The following AK7 variants were observed in gnomAD, a reference collection of about 807,000 sequenced individuals.
The protein encoded by AK7 is adenylate kinase 7.
In AK7, 78 loss-of-function variants were observed where a neutral mutation model predicts 96.6. The observed-to-expected ratio is 0.81, with a 90% CI of 0.67 to 0.97. The LOEUF is 0.97. Ranked by LOEUF, AK7 falls within the 50% of genes least tolerant of loss-of-function variation. AK7 has a pLI of 0.00. For missense variants in AK7, 855 were observed against 887.9 expected (o/e 0.96, Z 0.47); for synonymous variants, 302 against 317.2 (o/e 0.95, Z 0.51).
chr14:96,415,404 A>T (rs971550200), intron 4 of AK7, among the ~76,000 whole-genome samples: 2 of 152,186 alleles, frequency 1.3e-5, no homozygotes, highest in African/African-American at 4.8e-5. Flanking sequence ...TTCCATGTAT[A>T]TTTGAACATC....
At chr14:96,456,261 AGCACTCCCCTG>A in intron 10 of AK7, 75 bp from the exon 11 acceptor site, 1 of 783,252 alleles carries the variant, frequency 1.3e-6, no homozygotes, top group Non-Finnish European at 1.7e-6. Flanking sequence ...AAAAAAAAAA[AGCACTCCCCTG>A]AAATAAAAAA....
chr14:96,479,291 A>G (rs1895379513), intron 15 of AK7, among the ~76,000 whole-genome samples: 1 of 151,516 alleles, frequency 6.6e-6, no homozygotes, highest in Non-Finnish European at 1.5e-5. Context: ...GTTAGCCAGG[A>G]TGGTCTCGAT....
chr14:96,405,111 C>A (rs148544866), intron 3 of AK7: 6 of 210,532 alleles, frequency 2.8e-5, no homozygotes, highest in Non-Finnish European at 5.7e-5. Context: ...TTTGGGAGGC[C>A]GAGGTGGGAG....
At chr14:96,448,767 C>G (rs1893397967) in intron 8 of AK7, among the ~76,000 whole-genome samples, 1 of 151,702 alleles carries the variant, frequency 6.6e-6, no homozygotes, top group African/African-American at 2.4e-5. Flanking sequence ...ACCAGCCTAG[C>G]CATCATGGTG....
intron 4 of AK7, among the ~76,000 whole-genome samples, chr14:96,416,089 A>C (rs879625374): frequency 3.3e-5 from 5 of 152,140 alleles, no homozygotes; most frequent in Admixed American, 2.6e-4. Context: ...TCACCAATTA[A>C]AAAGAGAATC....
rs762510189 is a variant in AK7 at position 96,482,989 on chromosome 14, G to GTA, written c.1754-8_1754-7dup. 2 of 1,613,570 alleles carry GTA rather than the reference G, an allele frequency of 1.2e-6. No individual in the cohort carries two copies. The highest frequency in any genetic ancestry group is 2.2e-5 in the South Asian group (2 of 91,058). ...TAAGTATGTGTTGATCTCTCTCCTGGTATTTAAAGATGTAGGAAAACTTGA... is the reference window on the plus strand; with the variant it reads ...TAAGTATGTGTTGATCTCTCTCCTGGTATATTTAAAGATGTAGGAAAACTTGA... On this transcript the variant is annotated splice_polypyrimidine_tract_variant and intron_variant, in intron 15 of 17. Coordinates refer to ENST00000267584, the MANE Select transcript of AK7 (RefSeq NM_152327.5).
intron 12 of AK7, 123 bp from the exon 13 acceptor site, chr14:96,471,355 G>T: frequency 1.7e-5 from 5 of 286,220 alleles, no homozygotes; most frequent in Non-Finnish European, 2.3e-5. Flanking sequence ...AAAAAAAAAA[G>T]CAAAATAGGG....
At chr14:96,440,403 G>A (rs73349296) in intron 6 of AK7, among the ~76,000 whole-genome samples, 54 of 152,078 alleles carry the variant, frequency 3.6e-4, no homozygotes, top group African/African-American at 1.1e-3. Flanking sequence ...CGCAGGCCTC[G>A]GCCCTAGACC....
chr14:96,400,399 T>C (rs1890341704), intron 2 of AK7, among the ~76,000 whole-genome samples: 1 of 152,212 alleles, frequency 6.6e-6, no homozygotes, highest in South Asian at 2.1e-4. Flanking sequence ...TTGCTATCTC[T>C]ATCAATTGGG....
At chr14:96,456,964 C>G (rs1009942929) in intron 11 of AK7, 1 of 199,150 alleles carries the variant, frequency 5.0e-6, no homozygotes, top group Non-Finnish European at 1.1e-5. Flanking sequence ...CACCTTTCAG[C>G]ACTGCCTTCT....
chr14:96,474,891 T>C (rs761858878), intron 14 of AK7, among the ~76,000 whole-genome samples: 3 of 152,224 alleles, frequency 2.0e-5, no homozygotes, highest in Non-Finnish European at 4.4e-5. Context: ...AAGGCAGGAA[T>C]TACACCCATG....
chr14:96,488,105 G>A (rs2140190043), intron 17 of AK7, 200 bp from the exon 18 acceptor site: 1 of 442,518 alleles, frequency 2.3e-6, no homozygotes. Context: ...TAGAGAGGAA[G>A]TTTCACCATG....
Position 96,487,060 on chromosome 14 carries a change from A to G in AK7, c.2133+4A>G, listed in dbSNP as rs576185315. On this transcript the variant is annotated splice_donor_region_variant and intron_variant, in intron 17 of 17. Coordinates refer to ENST00000267584, the MANE Select transcript of AK7 (RefSeq NM_152327.5). Reference sequence around the variant, plus strand: ...CGAAGACCCTGTTGATTTTCTGGTAACATATTTAATTTTTAAAAAAAGATC... The same window carrying G: ...CGAAGACCCTGTTGATTTTCTGGTAGCATATTTAATTTTTAAAAAAAGATC... 1.9e-6 allele frequency: 3 copies of G among 1,613,844 alleles called. No homozygotes were observed. In the South Asian group the frequency reaches 3.3e-5, roughly 18 times the overall value.
At chr14:96,408,699 A>G in intron 3 of AK7, 148 bp from the exon 4 acceptor site, 1 of 657,390 alleles carries the variant, frequency 1.5e-6, no homozygotes, top group Non-Finnish European at 2.6e-6. Flanking sequence ...GGGAATTTGA[A>G]GAACGGTGAT....
In AK7 at chr14:96,398,156, A is replaced by C. The variant is rs1334553113; in HGVS notation, c.187A>C (p.Met63Leu). Residue 63 changes from methionine to leucine, a missense_variant, in exon 2 of 18, where the codon ATG becomes CTG. Physicochemically the swap from Met to Leu is conservative, Grantham distance 15. Transcript: ENST00000267584. ...AGAGGAAGATGAAAATAAGTCAGCT[A>C]TGCTGGAAGCTTCCTCAACCAAAGT... Reference protein sequence around the residue: ...EEEEDENKSAMLEASSTKVKE... With the variant: ...EEEEDENKSALLEASSTKVKE... The C allele has an allele frequency of 1.2e-6, 2 of 1,614,082 alleles. No individual in the cohort carries two copies. Among genetic ancestry groups the C allele is most frequent in the Admixed American group, 3.3e-5 (2 of 60,006 alleles).
chr14:96,454,333 A>G (rs1184340914), intron 10 of AK7, among the ~76,000 whole-genome samples: 7 of 152,056 alleles, frequency 4.6e-5, no homozygotes, highest in Non-Finnish European at 8.8e-5. Context: ...AAATAACTAT[A>G]TGTTACTGAT....
chr14:96,463,668 T>C (rs1595447329), intron 12 of AK7, among the ~76,000 whole-genome samples: 1 of 136,202 alleles, frequency 7.3e-6, no homozygotes, highest in Non-Finnish European at 1.5e-5. Flanking sequence ...TGCAGTGAGC[T>C]GAGATCACAC....
intron 5 of AK7, among the ~76,000 whole-genome samples, chr14:96,434,333 C>T (rs936421139): frequency 6.6e-6 from 1 of 152,220 alleles, no homozygotes; most frequent in African/African-American, 2.4e-5. Flanking sequence ...TAGTCTTAGA[C>T]TAAATCTGGA....
In AK7 at chr14:96,424,922, A is replaced by G. The variant is rs151177271; in HGVS notation, c.609+3990A>G. 1.9e-3 allele frequency among the ~76,000 whole-genome samples: 296 copies of G among 152,362 alleles called. 1 individual carries two copies. The highest frequency in any genetic ancestry group is 6.6e-3 in the African/African-American group (275 of 41,586). On this transcript the variant is annotated intron_variant, in intron 5 of 17. Transcript: ENST00000267584. ...ACATATAAAGCTGATTTAACTGAAT[A>G]ACAGTCTAAAATGAGAAATATGATC...
Sources: allele counts gnomAD v4.1 joint callset (sites outside exome capture counted in the v4.1 genomes callset), GRCh38; gene constraint gnomAD v4.1.1; transcripts MANE v1.5; gene names NCBI Gene and HGNC (gene_info 2026-07-23, HGNC 2026-07-21).